HECW2: variants seen among roughly 807,000 people sequenced by gnomAD.
The protein encoded by HECW2 is E3 ubiquitin-protein ligase HECW2.
HECW2 carries 61 observed loss-of-function variants against 175.2 expected under a neutral mutation model. The ratio of observed to expected loss-of-function variants is 0.35; its 90% CI spans 0.28 to 0.43. The LOEUF (loss-of-function observed/expected upper bound fraction) is 0.43, where lower values mean the gene tolerates loss of function less well. Ranked by LOEUF, HECW2 falls within the 20% of genes least tolerant of loss-of-function variation. The probability of loss-of-function intolerance (pLI) is 1.00; values close to 1 mark genes in which losing one functional copy is unlikely to be tolerated. For missense variants in HECW2, 1,524 were observed against 2,000.5 expected (o/e 0.76, Z 4.54); for synonymous variants, 671 against 731.0 (o/e 0.92, Z 1.32).
intron 2 of HECW2, among the ~76,000 whole-genome samples, chr2:196,362,587 G>C (rs1693627126): frequency 6.6e-6 from 1 of 152,140 alleles, no homozygotes; most frequent in African/African-American, 2.4e-5. Context: ...ATTTCAAACT[G>C]TGAAAAAGGA....
At chr2:196,438,661 A>T (rs528442118) in intron 1 of HECW2, among the ~76,000 whole-genome samples, 5 of 152,322 alleles carry the variant, frequency 3.3e-5, no homozygotes, top group African/African-American at 1.2e-4. Flanking sequence ...ATAACCAAGA[A>T]TTCCTTAATC....
Position 196,491,472 on chromosome 2 carries a change from G to GTATATA in HECW2, c.-35-58020_-35-58015dup, listed in dbSNP as rs71012914. 1.2e-4 allele frequency among the ~76,000 whole-genome samples: 17 copies of GTATATA among 137,062 alleles called. 1 individual carries two copies. Among genetic ancestry groups the GTATATA allele is most frequent in the Admixed American group, 1.0e-3 (14 of 13,720 alleles). The allele number at this position is 137,062 out of a possible 152,430, so 89.9% of individuals were successfully genotyped here. On this transcript the variant is annotated intron_variant, in intron 1 of 28. Transcript: ENST00000644978. ...ACACACTTAGGTATATTAGGTGTGT[G>GTATATA]TATATATATATATACACATATATAT...
chr2:196,371,774 G>A (rs953003281), intron 2 of HECW2, among the ~76,000 whole-genome samples: 7 of 152,154 alleles, frequency 4.6e-5, no homozygotes, highest in Admixed American at 4.6e-4. Context: ...GGCCTTCTTG[G>A]TTAGTCCAGT....
intron 1 of HECW2, among the ~76,000 whole-genome samples, chr2:196,584,689 C>G (rs1029799900): frequency 6.6e-6 from 1 of 152,108 alleles, no homozygotes; most frequent in Non-Finnish European, 1.5e-5. Context: ...ATTTTCAACT[C>G]TGTCATCAAT....
At chr2:196,590,704 C>T (rs945418757) in intron 1 of HECW2, among the ~76,000 whole-genome samples, 10 of 152,356 alleles carry the variant, frequency 6.6e-5, no homozygotes, top group East Asian at 1.9e-4. Flanking sequence ...CCAAAAGCCA[C>T]CTCTCCTGCA....
intron 1 of HECW2, among the ~76,000 whole-genome samples, chr2:196,485,635 T>C (rs1686975695): frequency 6.6e-6 from 1 of 152,168 alleles, no homozygotes; most frequent in African/African-American, 2.4e-5. Context: ...ACACCAAATT[T>C]TGGGTGATAT....
chr2:196,314,038 G>A (rs2105737155), intron 10 of HECW2, among the ~76,000 whole-genome samples: 1 of 152,344 alleles, frequency 6.6e-6, no homozygotes, highest in Non-Finnish European at 1.5e-5. Context: ...GGCCATCAAA[G>A]CTCAAACTAC....
chr2:196,340,691 G>T (rs1192129167), intron 3 of HECW2, among the ~76,000 whole-genome samples: 2 of 151,838 alleles, frequency 1.3e-5, no homozygotes, highest in African/African-American at 4.8e-5. Context: ...ATATTGCAAG[G>T]GTAGGGGGTG....
intron 16 of HECW2, among the ~76,000 whole-genome samples, chr2:196,271,629 G>T (rs1318626407): frequency 6.6e-6 from 1 of 152,104 alleles, no homozygotes; most frequent in Non-Finnish European, 1.5e-5. Context: ...TTTCAGCCAG[G>T]CATGGTAGCT....
Position 196,200,072 on chromosome 2 carries a change from T to C in HECW2, c.*1205A>G, listed in dbSNP as rs1016576723. 1.3e-5 allele frequency: 2 copies of C among 152,728 alleles called. No individual in the cohort carries two copies. The highest frequency in any genetic ancestry group is 6.5e-5 in the Admixed American group (1 of 15,284). The allele number at this position is 152,728 out of a possible 1,614,324, so 9.5% of individuals were successfully genotyped here. A position where few individuals can be genotyped will look rare whatever the true frequency, so the allele number is the denominator to read the frequency against. On this transcript the variant is annotated 3_prime_UTR_variant, in exon 29 of 29. Coordinates refer to ENST00000644978, the MANE Select transcript of HECW2 (RefSeq NM_001348768.2). ...TACGAAATATCTGTATTAAATGCCA[T>C]CCTGTAAAGTATTTGATGGATGGAA... is the stretch of plus-strand genomic sequence containing the variant.
intron 15 of HECW2, among the ~76,000 whole-genome samples, chr2:196,277,807 G>T (rs1473680363): frequency 6.6e-6 from 1 of 151,930 alleles, no homozygotes; most frequent in East Asian, 1.9e-4. Context: ...CATAAAAAAT[G>T]ATGAGTTCAT....
At chr2:196,368,763 G>A (rs979287560) in intron 2 of HECW2, among the ~76,000 whole-genome samples, 3 of 151,948 alleles carry the variant, frequency 2.0e-5, no homozygotes, top group African/African-American at 7.3e-5. Flanking sequence ...AAGAGTCTCC[G>A]AGGCATTCTT....
intron 1 of HECW2, among the ~76,000 whole-genome samples, chr2:196,530,200 T>TGCTTTATTTAGTTTTCCTGTGCTAA (rs1202824011): frequency 6.6e-6 from 1 of 152,232 alleles, no homozygotes; most frequent in Non-Finnish European, 1.5e-5. Flanking sequence ...ACAGCAAGCC[T>TGCTTTATTTAGTTTTCCTGTGCTAA]GCTTTATTTA....
chr2:196,440,288 G>A (rs905045328), intron 1 of HECW2, among the ~76,000 whole-genome samples: 6 of 152,014 alleles, frequency 3.9e-5, no homozygotes, highest in Admixed American at 3.3e-4. Context: ...TCATTCAGAT[G>A]TTTTACTTTA....
At chr2:196,422,761 A>G (rs1248984584) in intron 2 of HECW2, among the ~76,000 whole-genome samples, 2 of 152,158 alleles carry the variant, frequency 1.3e-5, no homozygotes, top group Non-Finnish European at 2.9e-5. Context: ...TTTTAAAAAT[A>G]TGACCTAAAA....
chr2:196,348,303 G>A (rs986708963), intron 2 of HECW2, among the ~76,000 whole-genome samples: 1 of 151,846 alleles, frequency 6.6e-6, no homozygotes, highest in South Asian at 2.1e-4. Flanking sequence ...TTTAGTACCT[G>A]TATGAGGTGA....
chr2:196,465,423 A>T (rs1696912451), intron 1 of HECW2, among the ~76,000 whole-genome samples: 1 of 152,124 alleles, frequency 6.6e-6, no homozygotes, highest in Admixed American at 6.5e-5. Flanking sequence ...AAATAATTAA[A>T]ATAATGCTGG....
intron 1 of HECW2, among the ~76,000 whole-genome samples, chr2:196,555,100 A>G (rs16853836): frequency 1.3e-5 from 2 of 152,176 alleles, no homozygotes; most frequent in Non-Finnish European, 2.9e-5. Context: ...GAATGAACAG[A>G]TTCCACTGAA....
intron 14 of HECW2, among the ~76,000 whole-genome samples, chr2:196,286,526 C>T (rs1242416478): frequency 1.3e-5 from 2 of 152,064 alleles, no homozygotes; most frequent in East Asian, 3.9e-4. Context: ...ATTCATAAAA[C>T]CGATCTCTGC....
Sources: allele counts gnomAD v4.1 joint callset (sites outside exome capture counted in the v4.1 genomes callset), GRCh38; gene constraint gnomAD v4.1.1; transcripts MANE v1.5; gene names NCBI Gene and HGNC (gene_info 2026-07-23, HGNC 2026-07-21).